The following ZNF487 variants were observed in gnomAD, a reference collection of about 807,000 sequenced individuals.
ZNF487 encodes the protein zinc finger protein 487.
ZNF487 carries 4 observed loss-of-function variants against 3.0 expected under a neutral mutation model. That is an observed-to-expected ratio of 1.35 (90% CI 0.66 to 3.08). The LOEUF is 3.08. Among genes scored for constraint, ZNF487 ranks in the 30% most tolerant of loss-of-function variants. ZNF487 has a pLI of 0.01. For missense variants in ZNF487, 146 were observed against 98.7 expected (o/e 1.48, Z -2.03); for synonymous variants, 55 against 34.6 (o/e 1.59, Z -2.06).
intron 1 of ZNF487, among the ~76,000 whole-genome samples, chr10:43,473,896 A>T (rs542746257): frequency 2.3e-4 from 35 of 152,056 alleles, no homozygotes; most frequent in Admixed American, 7.2e-4. Context: ...GCAGTGACTT[A>T]TTCCTGTAAT....
At chr10:43,499,392 T>C in the ZNF487 span, among the ~76,000 whole-genome samples, 1 of 152,132 alleles carries the variant, frequency 6.6e-6, no homozygotes, top group Non-Finnish European at 1.5e-5. Context: ...AAAGATAAGT[T>C]GGATTTTGAG....
chr10:43,516,301 A>C, the ZNF487 span, among the ~76,000 whole-genome samples: 6 of 152,296 alleles, frequency 3.9e-5, no homozygotes, highest in East Asian at 7.7e-4. Flanking sequence ...ATACTATTAG[A>C]AGTAGAGTCC....
At chr10:43,477,168 A>G (rs1841128867) in intron 3 of ZNF487, among the ~76,000 whole-genome samples, 1 of 151,814 alleles carries the variant, frequency 6.6e-6, no homozygotes, top group African/African-American at 2.4e-5. Context: ...TGTGTTCTAA[A>G]ATCCTTTCTT....
chr10:43,511,210 A>G, the ZNF487 span, among the ~76,000 whole-genome samples: 1 of 152,188 alleles, frequency 6.6e-6, no homozygotes, highest in African/African-American at 2.4e-5. Context: ...AGTTGGTGTT[A>G]TATTTGTGAC....
the ZNF487 span, among the ~76,000 whole-genome samples, chr10:43,506,142 A>T: frequency 6.6e-6 from 1 of 152,150 alleles, no homozygotes; most frequent in Non-Finnish European, 1.5e-5. Flanking sequence ...TTTACTCATG[A>T]TGGAGTAGCC....
intron 1 of ZNF487, among the ~76,000 whole-genome samples, chr10:43,450,602 G>C (rs1162173865): frequency 2.6e-5 from 4 of 152,080 alleles, no homozygotes; most frequent in Non-Finnish European, 4.4e-5. Context: ...TGCCCGCCTC[G>C]GCCTCCCAAA....
At chr10:43,442,271 A>C (rs3006387) in intron 1 of ZNF487, among the ~76,000 whole-genome samples, 4,730 of 150,184 alleles carry the variant, frequency 0.031, 77 homozygotes, top group Middle Eastern at 0.049. Context: ...ACAACAACAA[A>C]AAAAAAACAA....
At position 43,466,549 on chromosome 10, in the gene ZNF487, C is replaced by T. The variant is rs545083762; in HGVS notation, c.-93-9172C>T. Reference sequence around the variant, plus strand: ...TCCTGAGTAGCTGGGATTACAGGTGCGCACCACCACACCCAGCTAATTTTT... The same window carrying T: ...TCCTGAGTAGCTGGGATTACAGGTGTGCACCACCACACCCAGCTAATTTTT... On this transcript the variant is annotated intron_variant, in intron 1 of 3. Transcript: ENST00000437590. Among the ~76,000 whole-genome samples the T allele has an allele frequency of 6.6e-5, 10 of 150,896 alleles. No homozygotes were observed. The East Asian group carries it at 8.0e-4, about 12-fold the overall frequency.
At position 43,483,047 on chromosome 10, in the gene ZNF487, G is replaced by C. The variant is rs1163731417; in HGVS notation, c.*1125G>C. 4 of 462,420 alleles carry C rather than the reference G, an allele frequency of 8.7e-6. No individual in the cohort carries two copies. Among genetic ancestry groups the C allele is most frequent in the South Asian group, 1.5e-5 (1 of 65,114 alleles). 28.6% of individuals were successfully genotyped at this position (462,420 alleles called of 1,614,324 possible). ...AGAATCCCAACTTCACTAAATGTCA[G>C]AGAGACAACATAGAGGAAACCCTTG... On this transcript the variant is annotated 3_prime_UTR_variant, in exon 4 of 4. Transcript: ENST00000437590.
intron 1 of ZNF487, among the ~76,000 whole-genome samples, chr10:43,455,770 C>T (rs1840168948): frequency 6.6e-6 from 1 of 152,238 alleles, no homozygotes; most frequent in Non-Finnish European, 1.5e-5. Flanking sequence ...GGCCTTGGCC[C>T]TTTGGCGCGT....
At chr10:43,442,276 AAAC>A (rs1839642011) in intron 1 of ZNF487, among the ~76,000 whole-genome samples, 1 of 150,984 alleles carries the variant, frequency 6.6e-6, no homozygotes, top group Non-Finnish European at 1.5e-5. Flanking sequence ...AACAAAAAAA[AAAC>A]AAAGAAAAAA....
At chr10:43,453,778 TCA>T (rs35328197) in intron 1 of ZNF487, 99,796 of 151,786 alleles carry the variant, frequency 0.66, 34,349 homozygotes, top group Non-Finnish European at 0.76. Flanking sequence ...ATGCGAAAAC[TCA>T]CAGTTAATAT....
chr10:43,521,005 C>T, the ZNF487 span, among the ~76,000 whole-genome samples: 1 of 152,036 alleles, frequency 6.6e-6, no homozygotes, highest in African/African-American at 2.4e-5. Context: ...AGGTTTTTGA[C>T]CATAGTATTG....
chr10:43,510,641 G>A, the ZNF487 span, among the ~76,000 whole-genome samples: 170 of 152,110 alleles, frequency 1.1e-3, 1 homozygote, highest in Non-Finnish European at 1.9e-3. Context: ...TCTGCCTCCC[G>A]GGTTCAAGCA....
intron 1 of ZNF487, among the ~76,000 whole-genome samples, chr10:43,462,295 G>A (rs974849114): frequency 3.3e-5 from 5 of 151,784 alleles, no homozygotes; most frequent in Non-Finnish European, 5.9e-5. Context: ...CTCTTACGTG[G>A]CTTTCTAGCC....
At chr10:43,438,195 A>G (rs574122258) in intron 1 of ZNF487, among the ~76,000 whole-genome samples, 3 of 151,884 alleles carry the variant, frequency 2.0e-5, no homozygotes, top group East Asian at 3.9e-4. Flanking sequence ...CCATATATAT[A>G]TATATTTTGA....
the ZNF487 span, among the ~76,000 whole-genome samples, chr10:43,506,236 C>T: frequency 3.3e-5 from 5 of 152,158 alleles, no homozygotes; most frequent in East Asian, 1.9e-4. Context: ...GGCCCAGGCC[C>T]GGCTCTGTGG....
chr10:43,448,914 T>C (rs1401801517), intron 1 of ZNF487, among the ~76,000 whole-genome samples: 1 of 150,756 alleles, frequency 6.6e-6, no homozygotes, highest in African/African-American at 2.4e-5. Flanking sequence ...GAGGATCACT[T>C]GAGCAGGAGA....
chr10:43,469,966 T>A (rs1386326683), intron 1 of ZNF487, among the ~76,000 whole-genome samples: 1 of 151,668 alleles, frequency 6.6e-6, no homozygotes, highest in Admixed American at 6.6e-5. Flanking sequence ...AAAAAAAAAT[T>A]AGGATATGTA....
Sources: allele counts gnomAD v4.1 joint callset (sites outside exome capture counted in the v4.1 genomes callset), GRCh38; gene constraint gnomAD v4.1.1; transcripts MANE v1.5; gene names NCBI Gene and HGNC (gene_info 2026-07-23, HGNC 2026-07-21).